Variants in PRICKLE2 observed in about 807,000 individuals in gnomAD.
PRICKLE2 encodes prickle planar cell polarity protein 2.
In PRICKLE2, 21 loss-of-function variants were observed where a neutral mutation model predicts 81.4. The observed-to-expected ratio is 0.26, with a 90% CI of 0.18 to 0.37. The LOEUF is 0.37. PRICKLE2 is among the 10% of genes least tolerant of loss of function. The pLI is 1.00. For synonymous variants in PRICKLE2, 456 were observed against 421.5 expected (o/e 1.08, Z -1.00); for missense variants, 940 against 1,109.0 (o/e 0.85, Z 2.16).
chr3:64,255,967 C>T (rs1027023224), intron 2 of PRICKLE2, among the ~76,000 whole-genome samples: 1 of 152,068 alleles, frequency 6.6e-6, no homozygotes, highest in African/African-American at 2.4e-5. Context: ...GAGCCATATG[C>T]CGAGGTTGGC....
At chr3:64,128,082 T>C (rs952186836) in intron 7 of PRICKLE2, among the ~76,000 whole-genome samples, 1 of 151,982 alleles carries the variant, frequency 6.6e-6, no homozygotes, top group Admixed American at 6.6e-5. Flanking sequence ...GTTGCTCCCA[T>C]GGAAGGAGCT....
At chr3:64,156,656 T>C (rs1406161305) in intron 5 of PRICKLE2, among the ~76,000 whole-genome samples, 1 of 152,190 alleles carries the variant, frequency 6.6e-6, no homozygotes, top group Non-Finnish European at 1.5e-5. Flanking sequence ...GAAGTATCCA[T>C]CTGCCTCCTG....
At chr3:64,158,134 G>C (rs1302690735) in intron 4 of PRICKLE2, among the ~76,000 whole-genome samples, 1 of 152,228 alleles carries the variant, frequency 6.6e-6, no homozygotes, top group African/African-American at 2.4e-5. Context: ...TGGAAAGTAG[G>C]TCTAGGGAGA....
At chr3:64,193,635 T>C (rs1167810530) in intron 2 of PRICKLE2, among the ~76,000 whole-genome samples, 1 of 152,196 alleles carries the variant, frequency 6.6e-6, no homozygotes, top group Non-Finnish European at 1.5e-5. Flanking sequence ...CTGATATGGT[T>C]TGGCTGTGTC....
intron 1 of PRICKLE2, among the ~76,000 whole-genome samples, chr3:64,204,363 T>C (rs1157743478): frequency 6.6e-6 from 1 of 152,124 alleles, no homozygotes; most frequent in African/African-American, 2.4e-5. Context: ...TTATCTCCAC[T>C]TCCCACGGAA....
At position 64,092,399 on chromosome 3, in the gene PRICKLE2, C is replaced by A. The variant is rs1380489314; in HGVS notation, c.*6652G>T. The A allele has an allele frequency of 2.0e-5, 3 of 152,260 alleles. No individual in the cohort carries two copies. Among genetic ancestry groups the A allele is most frequent in the South Asian group, 2.1e-4 (1 of 4,826 alleles). The allele number at this position is 152,260 out of a possible 1,614,324, so 9.4% of individuals were successfully genotyped here. ...TAGTTGAAAGTAAAGTTTGTAAACT[C>A]CTTTAAGGTAGGGATTTTTGTTTGT... On this transcript the variant is annotated 3_prime_UTR_variant, in exon 8 of 8. Transcript: ENST00000638394.
intron 2 of PRICKLE2, among the ~76,000 whole-genome samples, chr3:64,251,213 G>T (rs757271514): frequency 2.0e-5 from 3 of 152,200 alleles, no homozygotes; most frequent in Admixed American, 6.5e-5. Flanking sequence ...GCAATATAAG[G>T]CTTAGGAATT....
At chr3:64,127,208 C>T (rs2077122514) in intron 7 of PRICKLE2, among the ~76,000 whole-genome samples, 1 of 152,146 alleles carries the variant, frequency 6.6e-6, no homozygotes, top group Non-Finnish European at 1.5e-5. Flanking sequence ...AGGACAACAT[C>T]CAGGCAATAC....
chr3:64,178,985 TTCTTTCTTTCTTTCTTTC>T (rs1484937499), intron 2 of PRICKLE2, among the ~76,000 whole-genome samples: 1 of 142,516 alleles, frequency 7.0e-6, no homozygotes, highest in Non-Finnish European at 1.5e-5. Flanking sequence ...CTTTCTTTCT[TTCTTTCTTTCTTTCTTTC>T]TTTCTTTCTT....
At chr3:64,179,886 C>T (rs1183494525) in intron 2 of PRICKLE2, among the ~76,000 whole-genome samples, 2 of 152,194 alleles carry the variant, frequency 1.3e-5, no homozygotes, top group Non-Finnish European at 2.9e-5. Flanking sequence ...ATTCTCTATC[C>T]ATTCCACCCC....
chr3:64,099,460 G>A lies in PRICKLE2; in HGVS notation c.2126C>T (p.Ser709Phe). ...CAGAGGGGGCCTATCTTTTAACCGG[G>A]AGATGGCCTCGCGTTCGCTGGCCAG... ...LHLASEREAI[S>F]RLKDRPPLRA... Residue 709 changes from serine to phenylalanine, a missense_variant, in exon 8 of 8, where the codon TCC becomes TTC. By Grantham distance (155) the Ser-to-Phe change is radical. This residue lies in a region of PRICKLE2 where 670 missense variants were observed against 717.2 expected (regional missense o/e 0.93). Coordinates refer to ENST00000638394, the MANE Select transcript of PRICKLE2 (RefSeq NM_198859.4). The surrounding 1 kb of genome is among the most constrained non-coding windows in gnomAD (Gnocchi z 4.3). 3.2e-6 allele frequency: 5 copies of A among 1,585,128 alleles called. No individual in the cohort carries two copies. Among genetic ancestry groups the A allele is most frequent in the Non-Finnish European group, 4.3e-6 (5 of 1,161,930 alleles).
intron 7 of PRICKLE2, among the ~76,000 whole-genome samples, chr3:64,110,748 C>T (rs888994543): frequency 4.6e-5 from 7 of 151,914 alleles, no homozygotes; most frequent in Non-Finnish European, 1.5e-5. Context: ...GGGGCAATGA[C>T]ACTGGAACAT....
At chr3:64,219,842 T>C (rs143698842) in intron 1 of PRICKLE2, among the ~76,000 whole-genome samples, 1 of 152,344 alleles carries the variant, frequency 6.6e-6, no homozygotes, top group East Asian at 1.9e-4. Flanking sequence ...TACTCTTTAC[T>C]CTCTGTGTAA....
At chr3:64,125,421 C>T (rs1369908862) in intron 7 of PRICKLE2, among the ~76,000 whole-genome samples, 1 of 152,174 alleles carries the variant, frequency 6.6e-6, no homozygotes, top group Non-Finnish European at 1.5e-5. Flanking sequence ...TATCAAACAG[C>T]ATCACATACT....
rs2077705328 is a variant in PRICKLE2 at position 64,159,978 on chromosome 3, G to T, written c.358C>A (p.Pro120Thr). The T allele has an allele frequency of 6.2e-7, 1 of 1,614,140 alleles. No homozygotes were observed. Among genetic ancestry groups the T allele is most frequent in the Non-Finnish European group, 8.5e-7 (1 of 1,180,028 alleles). Residue 120 changes from proline to threonine, a missense_variant, in exon 4 of 8, where the codon CCT becomes ACT. This residue lies in a region of PRICKLE2 where 270 missense variants were observed against 391.8 expected (regional missense o/e 0.69). Transcript: ENST00000638394. ...RENLGRGNVRPFPVTMTGAIC... is the reference protein window; with the variant it reads ...RENLGRGNVRTFPVTMTGAIC... Reference sequence around the variant, plus strand: ...GCTCCTGTCATGGTGACTGGGAAAGGCCTGACATTCCCGCGGCCCAAGTTT... The same window carrying T: ...GCTCCTGTCATGGTGACTGGGAAAGTCCTGACATTCCCGCGGCCCAAGTTT...
At chr3:64,163,301 T>G (rs1318657603) in intron 2 of PRICKLE2, 172 bp from the exon 3 acceptor site, 3 of 661,390 alleles carry the variant, frequency 4.5e-6, no homozygotes, top group Non-Finnish European at 8.3e-6. Flanking sequence ...AAATTCATCC[T>G]TAAAGCAAGA....
rs73832128 is a variant in PRICKLE2 at position 64,212,418 on chromosome 3, A to G, written c.-41+12492T>C. Among the ~76,000 whole-genome samples the G allele has an allele frequency of 9.3e-3, 1,410 of 152,334 alleles. 20 individuals are homozygous for G. Among genetic ancestry groups the G allele is most frequent in the African/African-American group, 0.032 (1,339 of 41,566 alleles). On this transcript the variant is annotated intron_variant, in intron 1 of 7. Transcript: ENST00000638394. Reference sequence around the variant, plus strand: ...GGGGGACCAATTTCTGAGGAAATGAATGAAAACTGAATTCTAACACACCTC... The same window carrying G: ...GGGGGACCAATTTCTGAGGAAATGAGTGAAAACTGAATTCTAACACACCTC...
chr3:64,131,642 C>T (rs2077198062), intron 7 of PRICKLE2, among the ~76,000 whole-genome samples: 1 of 152,098 alleles, frequency 6.6e-6, no homozygotes, highest in Admixed American at 6.5e-5. Flanking sequence ...AAATCCAGGA[C>T]ATAACCAAGA....
Position 64,157,221 on chromosome 3 carries a change from T to G in PRICKLE2, c.541A>C (p.Ile181Leu). Residue 181 changes from isoleucine to leucine, a missense_variant, in exon 5 of 8, where the codon ATA becomes CTA. This residue lies in a region of PRICKLE2 where 270 missense variants were observed against 391.8 expected (regional missense o/e 0.69). Transcript: ENST00000638394. ...TCAGCATGGTGCCTGCCACAGTATA[T>G]CTTCCCATCTTGGTAAAAGTAGATC... ...DLIYFYQDGK[I>L]YCGRHHAECL... 6.2e-7 allele frequency: 1 copy of G among 1,614,178 alleles called. No individual in the cohort carries two copies. Among genetic ancestry groups the G allele is most frequent in the Non-Finnish European group, 8.5e-7 (1 of 1,180,018 alleles).
Sources: gnomAD v4.1 joint callset for allele counts (sites outside exome capture counted in the v4.1 genomes callset) on GRCh38, gnomAD v4.1.1 for gene constraint, gnomAD v4.1.1 regional missense constraint, Gnocchi (gnomAD v3.1) non-coding constraint, MANE v1.5 for transcripts, NCBI Gene and HGNC (gene_info 2026-07-23, HGNC 2026-07-21) for gene names.